Variants in CUEDC2 observed in about 807,000 individuals in gnomAD.
CUEDC2 encodes the protein CUE domain-containing protein 2.
CUEDC2 carries 10 observed loss-of-function variants against 36.0 expected under a neutral mutation model. The ratio of observed to expected loss-of-function variants is 0.28; its 90% CI spans 0.17 to 0.47. The LOEUF (loss-of-function observed/expected upper bound fraction) is 0.47. CUEDC2 is among the 20% of genes least tolerant of loss of function. CUEDC2 has a pLI of 0.99. For synonymous variants in CUEDC2, 133 were observed against 141.8 expected (o/e 0.94, Z 0.44); for missense variants, 269 against 368.1 (o/e 0.73, Z 2.20).
rs2061591619 is a variant in CUEDC2, at chr10:102,425,173, T to G, written c.16A>C (p.Ile6Leu). 2 of 1,613,694 alleles carry G rather than the reference T, an allele frequency of 1.2e-6. No individual in the cohort carries two copies. Among genetic ancestry groups the G allele is most frequent in the Non-Finnish European group, 8.5e-7 (1 of 1,179,852 alleles). The change falls in exon 2 of 9, where the codon ATC becomes CTC. Residue 6 changes from isoleucine (I) to leucine (L), a missense_variant. Coordinates refer to ENST00000369937, the MANE Select transcript of CUEDC2 (RefSeq NM_024040.3). ...AAGGCAAGGAGGGCTGCACTGACGATCCTCTCCAGCTCCATGCTCTCTCTT... is the reference window on the plus strand; with the variant it reads ...AAGGCAAGGAGGGCTGCACTGACGAGCCTCTCCAGCTCCATGCTCTCTCTT... Reference protein sequence around the residue: MELERIVSAALLAFVQ... With the variant: MELERLVSAALLAFVQ...
chr10:102,430,920 C>T (rs1041201034), intron 1 of CUEDC2, among the ~76,000 whole-genome samples: 11 of 152,058 alleles, frequency 7.2e-5, no homozygotes, highest in East Asian at 1.9e-4. Context: ...TCTTGGGGGC[C>T]GCAAATTAGA....
Position 102,424,217 on chromosome 10 carries a change from C to G in CUEDC2, c.412-39G>C, listed in dbSNP as rs773815230. On this transcript the variant is annotated intron_variant, in intron 5 of 8. Coordinates refer to ENST00000369937, the MANE Select transcript of CUEDC2 (RefSeq NM_024040.3). The surrounding 1 kb of genome is among the most constrained non-coding windows in gnomAD (Gnocchi z 4.2). ...CGTTAACAAGAGGCAATACTCCCCC[C>G]TTTCCAGCCCCCTGGGTCCCTCATC... The G allele has an allele frequency of 6.2e-6, 10 of 1,610,438 alleles. No homozygotes were observed. The East Asian group carries it at 1.1e-4, about 18-fold the overall frequency.
At chr10:102,432,432 G>GC (rs994865763) in intron 1 of CUEDC2, 94 bp downstream of exon 1, 2 of 152,440 alleles carry the variant, frequency 1.3e-5, no homozygotes, top group East Asian at 1.9e-4. Flanking sequence ...GGCCCCGGGG[G>GC]GGGTACCGTG....
intron 1 of CUEDC2, among the ~76,000 whole-genome samples, chr10:102,429,279 G>A (rs755974018): frequency 6.6e-6 from 1 of 152,054 alleles, no homozygotes; most frequent in Non-Finnish European, 1.5e-5. Flanking sequence ...TGTATACTCA[G>A]CATCTCTCAT....
chr10:102,423,972 G>T lies in CUEDC2; in HGVS notation c.594+24C>A. On this transcript the variant is annotated intron_variant, in intron 6 of 8. Coordinates refer to ENST00000369937, the MANE Select transcript of CUEDC2 (RefSeq NM_024040.3). This position sits in a 1 kb window ranked among gnomAD's most constrained non-coding sequence, Gnocchi z 5.6. ...GGTGGAATGTAGCTGAGGCTACATG[G>T]TAGAGGGTGCTGGGAAAAGATACCT... 1 of 1,611,264 alleles carries T rather than the reference G, an allele frequency of 6.2e-7. No individual in the cohort carries two copies. The highest frequency in any genetic ancestry group is 8.5e-7 in the Non-Finnish European group (1 of 1,178,624).
At chr10:102,430,767 G>C (rs78678650) in intron 1 of CUEDC2, among the ~76,000 whole-genome samples, 13 of 152,058 alleles carry the variant, frequency 8.5e-5, no homozygotes, top group Non-Finnish European at 1.9e-4. Context: ...ACTTCTCCCC[G>C]CATAGCCCCT....
At chr10:102,428,778 C>T (rs1565237750) in intron 1 of CUEDC2, among the ~76,000 whole-genome samples, 1 of 152,174 alleles carries the variant, frequency 6.6e-6, no homozygotes, top group Non-Finnish European at 1.5e-5. Flanking sequence ...AATCCCAGCA[C>T]TTTGGGAGAC....
chr10:102,425,714 T>C (rs1458670131), intron 1 of CUEDC2, among the ~76,000 whole-genome samples: 1 of 151,762 alleles, frequency 6.6e-6, no homozygotes, highest in Non-Finnish European at 1.5e-5. Context: ...GGGGAAGCCT[T>C]TCATGGATTC....
chr10:102,424,419 G>C lies in CUEDC2; in HGVS notation c.281-25C>G, dbSNP rs1370469282. The C allele has an allele frequency of 3.1e-6, 5 of 1,613,462 alleles. No homozygotes were observed. Among genetic ancestry groups the C allele is most frequent in the Non-Finnish European group, 4.2e-6 (5 of 1,179,490 alleles). Reference sequence around the variant, plus strand: ...TCTTAAAGAGGCAAAGAGAGCATCAGGTTTGCCAAGGCTCTGGGGAGCAGG... The same window carrying C: ...TCTTAAAGAGGCAAAGAGAGCATCACGTTTGCCAAGGCTCTGGGGAGCAGG... On this transcript the variant is annotated intron_variant, in intron 4 of 8. Transcript: ENST00000369937. This position sits in a 1 kb window ranked among gnomAD's most constrained non-coding sequence, Gnocchi z 4.2.
At chr10:102,430,129 T>TCC (rs2061611241) in intron 1 of CUEDC2, among the ~76,000 whole-genome samples, 1 of 6,534 alleles carries the variant, frequency 1.5e-4, no homozygotes, top group African/African-American at 3.5e-4. Context: ...AGCCCAGGTT[T>TCC]TCTTTTTTTT....
Position 102,423,910 on chromosome 10 carries a change from C to T in CUEDC2, c.595-51G>A. ...GGCCCAAGGGCACCAGCAGGGGAAA[C>T]AGATGGGGATAGGTAGGGGTTGGGG... On this transcript the variant is annotated intron_variant, in intron 6 of 8. Transcript: ENST00000369937. This position sits in a 1 kb window ranked among gnomAD's most constrained non-coding sequence, Gnocchi z 5.6. The T allele has an allele frequency of 6.2e-7, 1 of 1,602,074 alleles. No homozygotes were observed. Among genetic ancestry groups the T allele is most frequent in the Non-Finnish European group, 8.5e-7 (1 of 1,173,654 alleles).
chr10:102,427,382 G>T (rs1297119800), intron 1 of CUEDC2, among the ~76,000 whole-genome samples: 1 of 152,140 alleles, frequency 6.6e-6, no homozygotes, highest in Non-Finnish European at 1.5e-5. Context: ...CTGAGCTACA[G>T]GCTTGGACAT....
chr10:102,430,505 A>G (rs2061613438), intron 1 of CUEDC2, among the ~76,000 whole-genome samples: 1 of 152,160 alleles, frequency 6.6e-6, no homozygotes, highest in South Asian at 2.1e-4. Flanking sequence ...CTTCTCAGGG[A>G]TGTGTCTCAT....
At position 102,424,295 on chromosome 10, in the gene CUEDC2, G is replaced by A. The variant is rs200550064; in HGVS notation, c.380C>T (p.Ser127Leu). 1.7e-3 allele frequency: 2,753 copies of A among 1,614,078 alleles called. 3 individuals are homozygous for A. Among genetic ancestry groups the A allele is most frequent in the Middle Eastern group, 6.3e-3 (38 of 6,060 alleles). Reference sequence around the variant, plus strand: ...TTGGGTGTCTGCAGCAGCAGCAGCCGAAGACCTAGTCTCTTCTTTGAGCAT... The same window carrying A: ...TTGGGTGTCTGCAGCAGCAGCAGCCAAAGACCTAGTCTCTTCTTTGAGCAT... ...PEMLKEETRSSAAAAADTQDE... is the reference protein window; with the variant it reads ...PEMLKEETRSLAAAAADTQDE... The change falls in exon 5 of 9, where the codon TCG becomes TTG. Residue 127 changes from serine (S) to leucine (L), a missense_variant. Physicochemically the swap from Ser to Leu is moderately radical, Grantham distance 145 (BLOSUM62 -2). Transcript: ENST00000369937. The surrounding 1 kb of genome is among the most constrained non-coding windows in gnomAD (Gnocchi z 4.2).
In CUEDC2 at chr10:102,424,669, A is replaced by G; in HGVS notation, c.198T>C (p.Pro66=). The G allele has an allele frequency of 6.2e-7, 1 of 1,614,184 alleles. No homozygotes were observed. The highest frequency in any genetic ancestry group is 8.5e-7 in the Non-Finnish European group (1 of 1,180,014). The change falls in exon 3 of 9, where the codon CCT becomes CCC. Residue 66 remains proline, a synonymous_variant. Transcript: ENST00000369937. This position sits in a 1 kb window ranked among gnomAD's most constrained non-coding sequence, Gnocchi z 4.2. ...CCTACCTGGGGATGTGGGCGAAGCC[A>G]GGCACATAGGCCTCCATCATCTCAG... ...AFTEMMEAYV[P]GFAHIPRGTI...
Position 102,424,870 on chromosome 10 carries a change from C to T in CUEDC2, c.75-78G>A. Reference sequence around the variant, plus strand: ...ACCCCCACCTATCCTGAGACTCCAGCCCTCAGCTTCATGGGGTCTATGAGC... The same window carrying T: ...ACCCCCACCTATCCTGAGACTCCAGTCCTCAGCTTCATGGGGTCTATGAGC... On this transcript the variant is annotated intron_variant, in intron 2 of 8. Transcript: ENST00000369937. This position sits in a 1 kb window ranked among gnomAD's most constrained non-coding sequence, Gnocchi z 4.2. The T allele has an allele frequency of 6.8e-7, 1 of 1,480,768 alleles. No homozygotes were observed. The highest frequency in any genetic ancestry group is 9.2e-7 in the Non-Finnish European group (1 of 1,083,336). 91.7% of individuals were successfully genotyped at this position (1,480,768 alleles called of 1,614,324 possible).
chr10:102,431,501 C>G (rs1565238508), intron 1 of CUEDC2, among the ~76,000 whole-genome samples: 1 of 152,134 alleles, frequency 6.6e-6, no homozygotes, highest in African/African-American at 2.4e-5. Flanking sequence ...AAGTAACTTG[C>G]CCAAGGTCAC....
chr10:102,426,574 T>C (rs550076861), intron 1 of CUEDC2, among the ~76,000 whole-genome samples: 10 of 152,276 alleles, frequency 6.6e-5, no homozygotes, highest in African/African-American at 2.4e-4. Context: ...TTATCTGCAT[T>C]GTATCCACTT....
intron 1 of CUEDC2, among the ~76,000 whole-genome samples, chr10:102,427,030 A>G (rs1340829794): frequency 6.6e-6 from 1 of 151,996 alleles, no homozygotes; most frequent in Non-Finnish European, 1.5e-5. Context: ...GTTGAACCAT[A>G]TGAGCTTGCC....
Sources: gnomAD v4.1 joint callset for allele counts (sites outside exome capture counted in the v4.1 genomes callset) on GRCh38, gnomAD v4.1.1 for gene constraint, Gnocchi (gnomAD v3.1) non-coding constraint, MANE v1.5 for transcripts, NCBI Gene and HGNC (gene_info 2026-07-23, HGNC 2026-07-21) for gene names.